GRIN2A: variants seen among roughly 807,000 people sequenced by gnomAD.
The protein encoded by GRIN2A is glutamate ionotropic receptor NMDA type subunit 2A.
A neutral mutation model predicts 113.4 loss-of-function variants in GRIN2A; 22 were observed. That is an observed-to-expected ratio of 0.19 (90% CI 0.14 to 0.28). The LOEUF (loss-of-function observed/expected upper bound fraction) is 0.28, where lower values mean the gene tolerates loss of function less well. GRIN2A is among the 10% of genes least tolerant of loss of function. The pLI is 1.00. For missense variants in GRIN2A, 1,502 were observed against 1,887.0 expected (o/e 0.80, Z 3.78); for synonymous variants, 827 against 738.4 (o/e 1.12, Z -1.94).
chr16:10,041,200 G>C (rs2047161889), intron 2 of GRIN2A, among the ~76,000 whole-genome samples: 1 of 152,164 alleles, frequency 6.6e-6, no homozygotes, highest in South Asian at 2.1e-4. Context: ...ATTTTCGTAA[G>C]CTCATTTTTA....
At chr16:9,959,543 A>G (rs927950971) in intron 2 of GRIN2A, among the ~76,000 whole-genome samples, 2 of 152,250 alleles carry the variant, frequency 1.3e-5, no homozygotes, top group African/African-American at 4.8e-5. Context: ...GCAACGTATC[A>G]ACTCTTCACC....
intron 4 of GRIN2A, among the ~76,000 whole-genome samples, chr16:9,864,541 C>A (rs1257964334): frequency 6.6e-6 from 1 of 151,978 alleles, no homozygotes; most frequent in Admixed American, 6.6e-5. Context: ...TAAGGAAGCA[C>A]GAGACTTCAA....
At chr16:10,004,765 C>T (rs2046377332) in intron 2 of GRIN2A, among the ~76,000 whole-genome samples, 1 of 152,114 alleles carries the variant, frequency 6.6e-6, no homozygotes, top group South Asian at 2.1e-4. Flanking sequence ...ATTGTTGGGT[C>T]CACTTGGATA....
chr16:9,922,673 C>G (rs2044379666), intron 3 of GRIN2A, among the ~76,000 whole-genome samples: 1 of 152,182 alleles, frequency 6.6e-6, no homozygotes, highest in South Asian at 2.1e-4. Context: ...GAGTGAAGAA[C>G]AGTTTCCCAA....
intron 11 of GRIN2A, among the ~76,000 whole-genome samples, chr16:9,780,890 T>C (rs1197944092): frequency 5.3e-5 from 8 of 152,172 alleles, no homozygotes; most frequent in African/African-American, 1.9e-4. Context: ...AAAATTTCTT[T>C]AAGGATAAGG....
chr16:10,035,781 T>G (rs1181528142), intron 2 of GRIN2A, among the ~76,000 whole-genome samples: 3 of 151,232 alleles, frequency 2.0e-5, no homozygotes, highest in Non-Finnish European at 2.9e-5. Flanking sequence ...TGGAGTGCAG[T>G]GGTATGATCT....
intron 2 of GRIN2A, among the ~76,000 whole-genome samples, chr16:10,154,956 G>T (rs1044110332): frequency 6.6e-6 from 1 of 152,334 alleles, no homozygotes; most frequent in African/African-American, 2.4e-5. Flanking sequence ...TGATCAAATA[G>T]ATTTGGGAAA....
chr16:9,928,863 G>A (rs563442489), intron 3 of GRIN2A, among the ~76,000 whole-genome samples: 19 of 152,246 alleles, frequency 1.2e-4, no homozygotes, highest in Non-Finnish European at 2.1e-4. Context: ...TAAAACTGCC[G>A]GTAGGATTAA....
At chr16:9,922,969 G>A (rs771633266) in intron 3 of GRIN2A, among the ~76,000 whole-genome samples, 2 of 152,118 alleles carry the variant, frequency 1.3e-5, no homozygotes, top group Non-Finnish European at 2.9e-5. Context: ...GTTGTTGGGT[G>A]GAGTGTTCCA....
At chr16:10,059,812 A>T (rs1172402787) in intron 2 of GRIN2A, among the ~76,000 whole-genome samples, 1 of 152,160 alleles carries the variant, frequency 6.6e-6, no homozygotes, top group Non-Finnish European at 1.5e-5. Context: ...GTGTTTATAC[A>T]ATTTTAGATT....
At chr16:9,911,835 T>G (rs2044145279) in intron 3 of GRIN2A, among the ~76,000 whole-genome samples, 1 of 152,130 alleles carries the variant, frequency 6.6e-6, no homozygotes, top group Non-Finnish European at 1.5e-5. Flanking sequence ...TTTTGGGAAG[T>G]TTCTATGACT....
At chr16:10,178,614 G>T (rs192905240) in intron 2 of GRIN2A, among the ~76,000 whole-genome samples, 113 of 152,300 alleles carry the variant, frequency 7.4e-4, no homozygotes, top group Non-Finnish European at 2.6e-4. Context: ...CTACACACAG[G>T]AATTCTGCTA....
At chr16:9,864,323 G>A (rs2043124413) in intron 4 of GRIN2A, among the ~76,000 whole-genome samples, 1 of 152,104 alleles carries the variant, frequency 6.6e-6, no homozygotes, top group African/African-American at 2.4e-5. Context: ...ATCCTGGGCT[G>A]ACAGCTGAAA....
chr16:9,931,059 T>C (rs942244014), intron 3 of GRIN2A, among the ~76,000 whole-genome samples: 6 of 152,296 alleles, frequency 3.9e-5, no homozygotes, highest in Admixed American at 1.3e-4. Context: ...TTCCCTTCAA[T>C]ACTAATTCAT....
intron 4 of GRIN2A, among the ~76,000 whole-genome samples, chr16:9,855,777 C>G (rs932701042): frequency 6.6e-6 from 1 of 152,144 alleles, no homozygotes; most frequent in African/African-American, 2.4e-5. Flanking sequence ...CAGAAAACAG[C>G]CAAATGGCAA....
At chr16:9,948,327 T>G (rs952627970) in intron 2 of GRIN2A, among the ~76,000 whole-genome samples, 1 of 152,208 alleles carries the variant, frequency 6.6e-6, no homozygotes, top group Non-Finnish European at 1.5e-5. Flanking sequence ...AAGAATCACC[T>G]TGGATCTTGT....
At chr16:9,774,770 A>G (rs1901495610) in intron 11 of GRIN2A, among the ~76,000 whole-genome samples, 2 of 152,254 alleles carry the variant, frequency 1.3e-5, no homozygotes, top group African/African-American at 4.8e-5. Flanking sequence ...TGTTGCATAC[A>G]CACAGTGCCT....
chr16:10,086,552 A>G (rs1530671), intron 2 of GRIN2A, among the ~76,000 whole-genome samples: 30,748 of 149,852 alleles, frequency 0.21, 3,698 homozygotes, highest in East Asian at 0.43. Context: ...CTGCTGTAAA[A>G]TTACAGAGGA....
intron 2 of GRIN2A, among the ~76,000 whole-genome samples, chr16:10,025,492 G>A (rs950709671): frequency 2.0e-5 from 3 of 151,780 alleles, no homozygotes; most frequent in Non-Finnish European, 1.5e-5. Flanking sequence ...TGGAGGGACA[G>A]GGTCTCCCTG....
Sources: gnomAD v4.1 joint callset for allele counts (sites outside exome capture counted in the v4.1 genomes callset) on GRCh38, gnomAD v4.1.1 for gene constraint, MANE v1.5 for transcripts, NCBI Gene and HGNC (gene_info 2026-07-23, HGNC 2026-07-21) for gene names.